The following KRT5 variants were observed in gnomAD, a reference collection of about 807,000 sequenced individuals.
KRT5 encodes keratin, type II cytoskeletal 5.
A neutral mutation model predicts 44.0 loss-of-function variants in KRT5; 17 were observed. That is an observed-to-expected ratio of 0.39 (90% CI 0.26 to 0.58). The LOEUF (loss-of-function observed/expected upper bound fraction) is 0.58, where lower values mean the gene tolerates loss of function less well. Ranked by LOEUF, KRT5 falls within the 20% of genes least tolerant of loss-of-function variation. The probability of loss-of-function intolerance (pLI) is 0.61; values close to 1 mark genes in which losing one functional copy is unlikely to be tolerated. For synonymous variants in KRT5, 329 were observed against 312.8 expected, an observed-to-expected ratio of 1.05 and a Z score of -0.55; for missense variants, 737 against 785.5, an observed-to-expected ratio of 0.94 and a Z score of 0.74.
At position 52,520,268 on chromosome 12, in the gene KRT5, C is replaced by T. The variant is rs753298083; in HGVS notation, c.29G>A (p.Arg10Gln). The part of the protein sequence containing the change: MSRQSSVSF[R>Q]SGGSRSFSTA... ...GCTGAAGCTACGACTGCCCCCGCTCCGGAAGGACACACTTGACTGGCGAGA... is the reference window on the plus strand; with the variant it reads ...GCTGAAGCTACGACTGCCCCCGCTCTGGAAGGACACACTTGACTGGCGAGA... Residue 10 changes from arginine to glutamine, a missense_variant, in exon 1 of 9, where the codon CGG becomes CAG. Physicochemically the swap from Arg to Gln is conservative, Grantham distance 43 (BLOSUM62 1). This residue lies in a region of KRT5 where 326 missense variants were observed against 333.1 expected (regional missense o/e 0.98). Coordinates refer to ENST00000252242, the MANE Select transcript of KRT5 (RefSeq NM_000424.4). The T allele has an allele frequency of 7.2e-5, 116 of 1,613,538 alleles. No individual in the cohort carries two copies. The highest frequency in any genetic ancestry group is 8.0e-5 in the African/African-American group (6 of 74,924).
chr12:52,516,557 T>G lies in KRT5; in HGVS notation c.1439+80A>C, dbSNP rs548314067. On this transcript the variant is annotated intron_variant, in intron 7 of 8. Coordinates refer to ENST00000252242, the MANE Select transcript of KRT5 (RefSeq NM_000424.4). The stretch of plus-strand genomic sequence containing the variant: ...TCACGCACAAGTCACTGATCTCATG[T>G]ATGTGTGTTGTACACCCCACAGTAG... The G allele has an allele frequency of 1.9e-5, 25 of 1,282,570 alleles. No homozygotes were observed. In the African/African-American group the frequency reaches 3.4e-4, roughly 17 times the overall value. 79.4% of individuals were successfully genotyped at this position (1,282,570 alleles called of 1,614,324 possible).
chr12:52,517,623 G>A lies in KRT5; in HGVS notation c.1059C>T (p.Ser353=). ...GATACCAGGACTCGGCTTCTGTCCGGCTGCGGTTGGCAATCTCCTCATACT... is the reference window on the plus strand; with the variant it reads ...GATACCAGGACTCGGCTTCTGTCCGACTGCGGTTGGCAATCTCCTCATACT... The part of the protein sequence containing the change: ...KAQYEEIANR[S]RTEAESWYQT... The change falls in exon 5 of 9, where the codon AGC becomes AGT. Residue 353 remains serine, a synonymous_variant. Coordinates refer to ENST00000252242, the MANE Select transcript of KRT5 (RefSeq NM_000424.4). 1 of 1,614,140 alleles carries A rather than the reference G, an allele frequency of 6.2e-7. No individual in the cohort carries two copies. The highest frequency in any genetic ancestry group is 1.1e-5 in the South Asian group (1 of 91,074).
intron 2 of KRT5, 167 bp from the exon 3 acceptor site, chr12:52,518,330 C>T (rs1341667565): frequency 9.8e-6 from 7 of 715,322 alleles, no homozygotes; most frequent in Middle Eastern, 2.7e-4. Flanking sequence ...AAGGTCCCTC[C>T]CCATTTAAAT....
In KRT5 at chr12:52,515,164, G is replaced by T. The variant is rs368027956; in HGVS notation, c.1551C>A (p.Gly517=). ...GYGGGLGGGL[G]GGLGGGLAGG... ...CGGCAAGACCTCCACCGAGGCCGCC[G>T]CCAAGACCTCCACCGAGGCCACCGC... The change falls in exon 9 of 9, where the codon GGC becomes GGA. Residue 517 remains glycine, a synonymous_variant. Transcript: ENST00000252242. 3.7e-6 allele frequency: 6 copies of T among 1,610,282 alleles called. No individual in the cohort carries two copies. The highest frequency in any genetic ancestry group is 1.3e-5 in the African/African-American group (1 of 74,638).
chr12:52,518,931 T>C lies in KRT5; in HGVS notation c.770+15A>G. 1 of 1,614,146 alleles carries C rather than the reference T, an allele frequency of 6.2e-7. No homozygotes were observed. The highest frequency in any genetic ancestry group is 8.5e-7 in the Non-Finnish European group (1 of 1,179,986). On this transcript the variant is annotated intron_variant, in intron 2 of 8. Coordinates refer to ENST00000252242, the MANE Select transcript of KRT5 (RefSeq NM_000424.4). ...ACACCACCCTCCCCTGTGTCCACCC[T>C]CCACCCCAACTCACTTGTTCTTGAA...
Position 52,516,817 on chromosome 12 carries a change from C to G in KRT5, c.1259G>C (p.Arg420Pro). ...LQNAIADAEQ[R>P]GELALKDARN... The stretch of plus-strand genomic sequence containing the variant: ...GGCATCCTTGAGGGCCAGCTCCCCA[C>G]GCTGCTCGGCATCCGCAATGGCGTT... Residue 420 changes from arginine to proline, a missense_variant, in exon 7 of 9, where the codon CGT (arginine) becomes CCT (proline). Transcript: ENST00000252242. 6.2e-7 allele frequency: 1 copy of G among 1,614,202 alleles called. No homozygotes were observed. Among genetic ancestry groups the G allele is most frequent in the Non-Finnish European group, 8.5e-7 (1 of 1,180,038 alleles).
rs759198073 is a variant in KRT5, at chr12:52,514,962, G to A, written c.1753C>T (p.Arg585Trp). ...GGTTCTTAGCTCTTGAAGCTCTTCC[G>A]GGAGGAGGAGGTGGTGGAGACAAAT... ...VKFVSTTSSSRKSFKS is the reference protein window; with the variant it reads ...VKFVSTTSSSWKSFKS Residue 585 changes from arginine (R) to tryptophan (W), a missense_variant, in exon 9 of 9, where the codon CGG becomes TGG. Arg to Trp is a moderately radical substitution (Grantham distance 101). This residue lies in a region of KRT5 where 344 missense variants were observed against 351.6 expected (regional missense o/e 0.98). Coordinates refer to ENST00000252242, the MANE Select transcript of KRT5 (RefSeq NM_000424.4). The A allele has an allele frequency of 1.8e-5, 29 of 1,613,542 alleles. 1 individual carries two copies. In the Admixed American group the frequency reaches 2.5e-4, roughly 14 times the overall value.
At chr12:52,518,417 C>A (rs541690939) in intron 2 of KRT5, 48 of 646,928 alleles carry the variant, frequency 7.4e-5, no homozygotes, top group Non-Finnish European at 1.2e-4. Flanking sequence ...CAGATTCCTG[C>A]AGAAAAGCTG....
chr12:52,519,279 G>T (rs1263772044), intron 1 of KRT5, 119 bp from the exon 2 acceptor site: 2 of 1,453,648 alleles, frequency 1.4e-6, no homozygotes, highest in South Asian at 1.2e-5. Context: ...ACTGTGCCTG[G>T]CCCTGGGCCC....
chr12:52,518,195 A>T, intron 2 of KRT5, 32 bp from the exon 3 acceptor site: 1 of 1,607,762 alleles, frequency 6.2e-7, no homozygotes, highest in Non-Finnish European at 8.5e-7. Flanking sequence ...AGTGTTTGTC[A>T]GAGGATGAGC....
intron 1 of KRT5, 93 bp from the exon 2 acceptor site, chr12:52,519,253 T>G: frequency 3.9e-6 from 6 of 1,547,744 alleles, no homozygotes; most frequent in Non-Finnish European, 5.3e-6. Flanking sequence ...TCCGTCCCTC[T>G]AAAGCTTTTC....
At chr12:52,517,461 G>A (rs1368909293) in intron 5 of KRT5, 129 bp downstream of exon 5, 3 of 1,112,480 alleles carry the variant, frequency 2.7e-6, no homozygotes, top group Non-Finnish European at 4.1e-6. Context: ...TGTCTACACA[G>A]CCATTCCTAT....
In KRT5 at chr12:52,517,602, C is replaced by G. The variant is rs771026976; in HGVS notation, c.1080G>C (p.Trp360Cys). 2 of 1,614,006 alleles carry G rather than the reference C, an allele frequency of 1.2e-6. No homozygotes were observed. Residue 360 changes from tryptophan to cysteine, a missense_variant, in exon 5 of 9, where the codon TGG (tryptophan) becomes TGC (cysteine). Physicochemically the swap from Trp to Cys is radical, Grantham distance 215. Transcript: ENST00000252242. ...TCAGAGCACCCACCTTGGTCTGATA[C>G]CAGGACTCGGCTTCTGTCCGGCTGC... Reference protein sequence around the residue: ...ANRSRTEAESWYQTKYEELQQ... With the variant: ...ANRSRTEAESCYQTKYEELQQ...
At chr12:52,519,269 A>T in intron 1 of KRT5, 109 bp from the exon 2 acceptor site, 1 of 1,508,740 alleles carries the variant, frequency 6.6e-7, no homozygotes, top group Non-Finnish European at 9.0e-7. Flanking sequence ...TTTTCTGTGC[A>T]CTGTGCCTGG....
chr12:52,515,885 T>G, intron 7 of KRT5, 53 bp from the exon 8 acceptor site: 1 of 1,467,182 alleles, frequency 6.8e-7, no homozygotes, highest in South Asian at 1.1e-5. Flanking sequence ...AAGACAGCAT[T>G]AGTCTATGTG....
intron 7 of KRT5, chr12:52,516,355 G>T: frequency 2.1e-6 from 1 of 472,002 alleles, no homozygotes; most frequent in Non-Finnish European, 3.9e-6. Context: ...GTTGAGCAAA[G>T]GACGTGAGCA....
In KRT5 at chr12:52,519,441, A is replaced by G. The variant is rs923385933; in HGVS notation, c.556-281T>C. ...AAGGCACTCAGGCTGCTGCCCATGC[A>G]CTTGTCTACCTTCCTGTACAGTCAG... is the stretch of plus-strand genomic sequence containing the variant. On this transcript the variant is annotated intron_variant, in intron 1 of 8. Transcript: ENST00000252242. 36 of 629,476 alleles carry G rather than the reference A, an allele frequency of 5.7e-5. No homozygotes were observed. In the African/African-American group the frequency reaches 6.0e-4, roughly 11 times the overall value. The allele number at this position is 629,476 out of a possible 1,614,324, so 39.0% of individuals were successfully genotyped here. A position where few individuals can be genotyped will look rare whatever the true frequency, so the allele number is the denominator to read the frequency against.
intron 7 of KRT5, 66 bp from the exon 8 acceptor site, chr12:52,515,898 T>C: frequency 7.5e-7 from 1 of 1,325,258 alleles, no homozygotes; most frequent in Non-Finnish European, 1.1e-6. Flanking sequence ...TCTATGTGGC[T>C]AACTCCCATC....
chr12:52,515,893 G>A (rs1262879989), intron 7 of KRT5, 61 bp from the exon 8 acceptor site: 20 of 1,365,076 alleles, frequency 1.5e-5, no homozygotes, highest in Non-Finnish European at 1.9e-5. Context: ...ATTAGTCTAT[G>A]TGGCTAACTC....
Sources: gnomAD v4.1 joint callset for allele counts on GRCh38, gnomAD v4.1.1 for gene constraint, gnomAD v4.1.1 regional missense constraint, MANE v1.5 for transcripts, NCBI Gene and HGNC (gene_info 2026-07-23, HGNC 2026-07-21) for gene names.